The following ACTG2 variants were observed in gnomAD, a reference collection of about 807,000 sequenced individuals.
The protein encoded by ACTG2 is actin gamma 2, smooth muscle.
Under a neutral mutation model 37.6 loss-of-function variants are expected in ACTG2, and 16 were observed. The observed-to-expected ratio is 0.43, with a 90% confidence interval of 0.29 to 0.65. The LOEUF is 0.65. Among genes scored for constraint, ACTG2 ranks in the 30% least tolerant of loss-of-function variants. The probability of loss-of-function intolerance (pLI) is 0.18; values close to 1 mark genes in which losing one functional copy is unlikely to be tolerated. For missense variants in ACTG2, 238 were observed against 490.9 expected (o/e 0.48, Z 4.87); for synonymous variants, 181 against 179.9 (o/e 1.01, Z -0.05).
rs2104822516 is a variant in ACTG2 at position 73,914,717 on chromosome 2, G to A, written c.651G>A (p.Leu217=). The change falls in exon 7 of 9, where the codon CTG becomes CTA. Residue 217 remains leucine, a synonymous_variant. Transcript: ENST00000345517. The part of the protein sequence containing the change: ...REIVRDIKEK[L]CYVALDFENE... ...TTGTGCGAGACATCAAGGAGAAGCT[G>A]TGCTATGTGGCCCTGGATTTTGAGA... The A allele has an allele frequency of 1.9e-6, 3 of 1,608,774 alleles. No individual in the cohort carries two copies. The East Asian group carries it at 6.7e-5, about 36-fold the overall frequency.
At chr2:73,902,918 C>T (rs924912098) in intron 3 of ACTG2, 5 of 758,898 alleles carry the variant, frequency 6.6e-6, no homozygotes, top group Non-Finnish European at 1.0e-5. Context: ...CAGGCCAGTG[C>T]TCACCCCTTC....
At position 73,913,399 on chromosome 2, in the gene ACTG2, T is replaced by C; in HGVS notation, c.452-86T>C. ...TAACTGGTAAAGGAAAATATGGTAG[T>C]CAGAGCTCATTGGTAACAGTCCTAG... On this transcript the variant is annotated intron_variant, in intron 5 of 8. Coordinates refer to ENST00000345517, the MANE Select transcript of ACTG2 (RefSeq NM_001615.4). 4 of 1,249,368 alleles carry C rather than the reference T, an allele frequency of 3.2e-6. No homozygotes were observed. The Admixed American group carries it at 8.0e-5, about 25-fold the overall frequency. 77.4% of individuals were successfully genotyped at this position (1,249,368 alleles called of 1,614,324 possible). A position where few individuals can be genotyped will look rare whatever the true frequency, so the allele number is the denominator to read the frequency against.
intron 4 of ACTG2, 28 bp downstream of exon 4, chr2:73,908,811 G>A: frequency 6.4e-7 from 1 of 1,558,382 alleles, no homozygotes; most frequent in East Asian, 2.2e-5. Flanking sequence ...CTTGAACACT[G>A]GCATAAGAAT....
intron 1 of ACTG2, among the ~76,000 whole-genome samples, chr2:73,895,278 G>A (rs1679722285): frequency 6.6e-6 from 1 of 152,148 alleles, no homozygotes; most frequent in African/African-American, 2.4e-5. Flanking sequence ...AGCCAGGGGA[G>A]TGAATGGAAG....
At chr2:73,906,233 C>A (rs1680012588) in intron 3 of ACTG2, among the ~76,000 whole-genome samples, 1 of 151,544 alleles carries the variant, frequency 6.6e-6, no homozygotes, top group African/African-American at 2.4e-5. Context: ...GGGTGGATCA[C>A]GAGGTCAGGA....
At chr2:73,919,411 C>T in intron 8 of ACTG2, 21 bp from the exon 9 acceptor site, 1 of 1,610,870 alleles carries the variant, frequency 6.2e-7, no homozygotes, top group South Asian at 1.1e-5. Context: ...GATCATGATT[C>T]ACCACATTTG....
intron 5 of ACTG2, 41 bp downstream of exon 5, chr2:73,909,180 G>A: frequency 1.3e-6 from 2 of 1,566,728 alleles, no homozygotes; most frequent in Non-Finnish European, 8.8e-7. Flanking sequence ...GACTTCAGGG[G>A]AGGTAGGGAA....
chr2:73,914,914 G>C (rs745993049), intron 7 of ACTG2, 43 bp downstream of exon 7: 1 of 1,455,548 alleles, frequency 6.9e-7, no homozygotes, highest in Non-Finnish European at 9.2e-7. Flanking sequence ...AGGAGGGGAG[G>C]GTGGAGGAGT....
intron 1 of ACTG2, among the ~76,000 whole-genome samples, chr2:73,893,301 A>G (rs1268367841): frequency 6.6e-6 from 1 of 152,180 alleles, no homozygotes; most frequent in African/African-American, 2.4e-5. Context: ...GACTGGCGGG[A>G]TATAATGCCT....
At chr2:73,903,393 A>G (rs947324642) in intron 3 of ACTG2, among the ~76,000 whole-genome samples, 3 of 152,226 alleles carry the variant, frequency 2.0e-5, no homozygotes, top group African/African-American at 7.2e-5. Flanking sequence ...ATAAAATGCA[A>G]TGGATTTCAC....
chr2:73,907,102 A>T (rs904220801), intron 3 of ACTG2, among the ~76,000 whole-genome samples: 5 of 152,166 alleles, frequency 3.3e-5, no homozygotes, highest in Admixed American at 6.5e-5. Flanking sequence ...TTTGCCCTCA[A>T]GGCCCATTTA....
chr2:73,903,959 A>AAAAAAAAAAAAC (rs1679949397), intron 3 of ACTG2, among the ~76,000 whole-genome samples: 2 of 96,148 alleles, frequency 2.1e-5, no homozygotes, highest in Non-Finnish European at 2.0e-5. Context: ...AAAAAAAAAA[A>AAAAAAAAAAAAC]CAAAAAAAAA....
intron 3 of ACTG2, among the ~76,000 whole-genome samples, chr2:73,905,639 T>G (rs890644778): frequency 1.3e-4 from 20 of 152,210 alleles, no homozygotes; most frequent in African/African-American, 4.8e-4. Context: ...CTGAATTCAG[T>G]TAAGAATGGG....
At chr2:73,901,243 G>T in intron 1 of ACTG2, 33 bp from the exon 2 acceptor site, 1 of 1,453,740 alleles carries the variant, frequency 6.9e-7, no homozygotes, top group Non-Finnish European at 9.2e-7. Flanking sequence ...TTGACAAGTG[G>T]CTGACTAGTT....
chr2:73,916,374 GAAA>G (rs56292295), intron 7 of ACTG2, among the ~76,000 whole-genome samples: 91 of 127,110 alleles, frequency 7.2e-4, no homozygotes, highest in Admixed American at 8.8e-4. Context: ...CTCCATCTCA[GAAA>G]AAAAAAAAAA....
At chr2:73,908,644 C>G (rs1320906495) in intron 3 of ACTG2, 29 bp from the exon 4 acceptor site, 1 of 1,556,168 alleles carries the variant, frequency 6.4e-7, no homozygotes, top group African/African-American at 1.4e-5. Flanking sequence ...GGGAGTCTGC[C>G]AGGCTCATAT....
chr2:73,902,510 A>G (rs769524584), intron 3 of ACTG2, 22 bp downstream of exon 3: 8 of 1,613,634 alleles, frequency 5.0e-6, no homozygotes, highest in Non-Finnish European at 6.8e-6. Flanking sequence ...CTTCCCCTTA[A>G]TGAGCCTGCT....
intron 1 of ACTG2, among the ~76,000 whole-genome samples, chr2:73,900,641 C>T (rs1679853835): frequency 6.6e-6 from 1 of 152,150 alleles, no homozygotes; most frequent in Admixed American, 6.6e-5. Context: ...TACATTTCAC[C>T]TATAACCACT....
intron 3 of ACTG2, chr2:73,902,772 GCTCATGTCA>G: frequency 6.5e-7 from 1 of 1,547,788 alleles, no homozygotes; most frequent in African/African-American, 1.4e-5. Flanking sequence ...ACACAGGTCA[GCTCATGTCA>G]CTCACCTCCT....
Sources: gnomAD v4.1 joint callset for allele counts (sites outside exome capture counted in the v4.1 genomes callset) on GRCh38, gnomAD v4.1.1 for gene constraint, MANE v1.5 for transcripts, NCBI Gene and HGNC (gene_info 2026-07-23, HGNC 2026-07-21) for gene names.